The following ZNF728 variants were observed in gnomAD, a reference collection of about 807,000 sequenced individuals.
The protein encoded by ZNF728 is zinc finger protein 728.
In ZNF728, 12 loss-of-function variants were observed where a neutral mutation model predicts 12.5. The ratio of observed to expected loss-of-function variants is 0.96; its 90% CI spans 0.61 to 1.55. The LOEUF (loss-of-function observed/expected upper bound fraction) is 1.55. ZNF728 is among the 40% of genes most tolerant of loss of function. The pLI is 0.00. For missense variants in ZNF728, 692 were observed against 719.2 expected, an observed-to-expected ratio of 0.96 and a Z score of 0.43; for synonymous variants, 205 against 240.7, an observed-to-expected ratio of 0.85 and a Z score of 1.37.
Position 22,976,958 on chromosome 19 carries a change from T to G in ZNF728, c.379A>C (p.Lys127Gln). Reference sequence around the variant, plus strand: ...TGGTTAAGCTTATTATAACCTTTTTTGTGCACCTTACACTCATCCACATTG... The same window carrying G: ...TGGTTAAGCTTATTATAACCTTTTTGGTGCACCTTACACTCATCCACATTG... ...CTNVDECKVH[K>Q]KGYNKLNQSL... is the part of the protein sequence containing the mutation. The change falls in exon 4 of 4, where the codon AAA becomes CAA. Residue 127 changes from lysine to glutamine, a missense_variant. Lys to Gln is a moderately conservative substitution (Grantham distance 53, BLOSUM62 1). Coordinates refer to ENST00000594710, the MANE Select transcript of ZNF728 (RefSeq NM_001267716.2). 1 of 1,613,574 alleles carries G rather than the reference T, an allele frequency of 6.2e-7. No homozygotes were observed. The highest frequency in any genetic ancestry group is 1.1e-5 in the South Asian group (1 of 91,080).
intron 3 of ZNF728, among the ~76,000 whole-genome samples, chr19:22,978,311 A>AT (rs1262131789): frequency 6.6e-6 from 1 of 152,024 alleles, no homozygotes; most frequent in East Asian, 1.9e-4. Flanking sequence ...CTAAAAAAAA[A>AT]AAAAAAATAG....
chr19:22,999,474 T>G (rs1969083952), intron 1 of ZNF728, among the ~76,000 whole-genome samples: 1 of 152,098 alleles, frequency 6.6e-6, no homozygotes, highest in Non-Finnish European at 1.5e-5. Context: ...GGCTGGGACA[T>G]CTGCAGGAAA....
intron 1 of ZNF728, 81 bp from the exon 2 acceptor site, chr19:22,988,532 G>T: frequency 6.4e-7 from 1 of 1,568,982 alleles, no homozygotes; most frequent in South Asian, 1.2e-5. Flanking sequence ...AAAATGGAAA[G>T]AGTAAAAAGA....
chr19:22,975,433 G>T lies in ZNF728; in HGVS notation c.*35C>A, dbSNP rs760865893. On this transcript the variant is annotated 3_prime_UTR_variant, in exon 4 of 4. Transcript: ENST00000594710. ...GTATAAATACCCTTATGTTCAGTAA[G>T]GGTTAAGAACTAATTGAAAGCTTTG... is the stretch of plus-strand genomic sequence containing the variant. 152 of 1,498,654 alleles carry T rather than the reference G, an allele frequency of 1.0e-4. No homozygotes were observed. Among genetic ancestry groups the T allele is most frequent in the Non-Finnish European group, 1.3e-4 (145 of 1,121,144 alleles). 92.8% of individuals were successfully genotyped at this position (1,498,654 alleles called of 1,614,324 possible). A position where few individuals can be genotyped will look rare whatever the true frequency, so the allele number is the denominator to read the frequency against.
intron 3 of ZNF728, among the ~76,000 whole-genome samples, chr19:22,977,657 C>A (rs895629828): frequency 3.3e-5 from 5 of 152,170 alleles, no homozygotes; most frequent in African/African-American, 1.2e-4. Flanking sequence ...AAAGGTGTAA[C>A]AAGTAACTAC....
At chr19:22,987,901 A>G (rs1968935619) in intron 2 of ZNF728, among the ~76,000 whole-genome samples, 1 of 152,228 alleles carries the variant, frequency 6.6e-6, no homozygotes. Context: ...ACTGGAGGCT[A>G]TATGATCAAA....
At chr19:23,001,027 T>G (rs1302475084) in intron 1 of ZNF728, among the ~76,000 whole-genome samples, 2 of 151,908 alleles carry the variant, frequency 1.3e-5, no homozygotes, top group African/African-American at 4.8e-5. Context: ...TTCACTTAAG[T>G]GCTCAATAAT....
intron 1 of ZNF728, among the ~76,000 whole-genome samples, chr19:22,996,614 T>TA (rs35586244): frequency 0.31 from 46,452 of 151,956 alleles, 9,217 homozygotes; most frequent in African/African-American, 0.57. Context: ...TAAAGAAAGA[T>TA]AAAAAAATAT....
chr19:22,984,905 A>G (rs539715774), intron 3 of ZNF728, among the ~76,000 whole-genome samples: 1 of 152,176 alleles, frequency 6.6e-6, no homozygotes, highest in Non-Finnish European at 1.5e-5. Context: ...TCCAAGCTAC[A>G]GAATTAAAAC....
chr19:22,984,376 T>C (rs1440355123), intron 3 of ZNF728, among the ~76,000 whole-genome samples: 1 of 151,672 alleles, frequency 6.6e-6, no homozygotes, highest in African/African-American at 2.4e-5. Flanking sequence ...CTGGCCAACA[T>C]AGTGAAACCC....
intron 1 of ZNF728, among the ~76,000 whole-genome samples, chr19:23,000,526 T>A (rs1969096881): frequency 6.6e-6 from 1 of 152,132 alleles, no homozygotes; most frequent in East Asian, 1.9e-4. Flanking sequence ...GTAAATATTT[T>A]CTTACCTTTC....
At chr19:23,002,581 A>C (rs1441316222) in intron 1 of ZNF728, among the ~76,000 whole-genome samples, 1 of 152,202 alleles carries the variant, frequency 6.6e-6, no homozygotes, top group Non-Finnish European at 1.5e-5. Flanking sequence ...ACAATTTTGG[A>C]ATCACTCTTT....
At chr19:22,986,240 C>T (rs529997485) in intron 3 of ZNF728, among the ~76,000 whole-genome samples, 8 of 152,170 alleles carry the variant, frequency 5.3e-5, no homozygotes, top group African/African-American at 1.7e-4. Flanking sequence ...ATTGTCAATG[C>T]TTCTATTTTA....
At chr19:22,990,528 G>T (rs1968975749) in intron 1 of ZNF728, among the ~76,000 whole-genome samples, 1 of 152,170 alleles carries the variant, frequency 6.6e-6, no homozygotes, top group Non-Finnish European at 1.5e-5. Flanking sequence ...GTCCTCGGGA[G>T]CCATCCCCTG....
Position 22,976,048 on chromosome 19 carries a change from C to G in ZNF728, c.1289G>C (p.Gly430Ala). 1.9e-6 allele frequency: 3 copies of G among 1,605,868 alleles called. No homozygotes were observed. Among genetic ancestry groups the G allele is most frequent in the Non-Finnish European group, 2.6e-6 (3 of 1,175,428 alleles). ...GCTCGAAAATGTAGTAAAGGCTTTG[C>G]CACATTCTTCACATTTGTAGGGTTT... ...GEKPYKCEEC[G>A]KAFTTFSSLT... Residue 430 changes from glycine (G) to alanine (A), a missense_variant, in exon 4 of 4, where the codon GGC becomes GCC. Gly to Ala is a moderately conservative substitution (Grantham distance 60, BLOSUM62 0). Around this residue, in one of 3 missense-constraint regions of ZNF728, gnomAD observed 244 missense variants for 235.2 expected, o/e 1.04. Transcript: ENST00000594710.
intron 1 of ZNF728, among the ~76,000 whole-genome samples, chr19:22,999,520 C>A (rs970797561): frequency 6.6e-6 from 1 of 152,094 alleles, no homozygotes; most frequent in Non-Finnish European, 1.5e-5. Context: ...CCTTTAATAA[C>A]CTCCTTTTGC....
At chr19:22,999,896 A>C (rs756036893) in intron 1 of ZNF728, among the ~76,000 whole-genome samples, 3 of 152,232 alleles carry the variant, frequency 2.0e-5, no homozygotes, top group Non-Finnish European at 4.4e-5. Context: ...CCTGCAAAAA[A>C]AGAAACTGAT....
chr19:22,982,630 A>T (rs1968872775), intron 3 of ZNF728, among the ~76,000 whole-genome samples: 1 of 152,210 alleles, frequency 6.6e-6, no homozygotes, highest in Non-Finnish European at 1.5e-5. Flanking sequence ...GGCTACAGTA[A>T]CAAAAACAGT....
chr19:23,001,670 CAG>C (rs760255687), intron 1 of ZNF728, among the ~76,000 whole-genome samples: 7 of 152,170 alleles, frequency 4.6e-5, no homozygotes, highest in Admixed American at 1.3e-4. Context: ...CTACGGAAAA[CAG>C]AAGAAAAAAT....
Sources: allele counts gnomAD v4.1 joint callset (sites outside exome capture counted in the v4.1 genomes callset), GRCh38; gene constraint gnomAD v4.1.1; regional missense constraint gnomAD v4.1.1; transcripts MANE v1.5; gene names NCBI Gene and HGNC (gene_info 2026-07-23, HGNC 2026-07-21).